H2AC13: variants seen among roughly 807,000 people sequenced by gnomAD.
The protein encoded by H2AC13 is H2A clustered histone 13, also known as histone H2A type 1.
A neutral mutation model predicts 5.9 loss-of-function variants in H2AC13; 3 were observed. The observed-to-expected ratio is 0.50, with a 90% CI of 0.23 to 1.30. H2AC13 has a LOEUF of 1.30. Among genes scored for constraint, H2AC13 ranks in the 50% most tolerant of loss-of-function variants. H2AC13 has a pLI of 0.18. For missense variants in H2AC13, 123 were observed against 179.1 expected (o/e 0.69, Z 1.79); for synonymous variants, 96 against 82.4 (o/e 1.17, Z -0.90).
At position 27,808,183 on chromosome 6, in the gene H2AC13, G is replaced by A. The variant is rs778477152; in HGVS notation, c.-27G>A. 3.2e-6 allele frequency: 5 copies of A among 1,539,008 alleles called. No homozygotes were observed. The highest frequency in any genetic ancestry group is 2.2e-5 in the Admixed American group (1 of 45,780). ...TTCTAGTTTCACTTCAGTCTTTCTT[G>A]ACCGTATAGATAATAGGCCTTTTGC... On this transcript the variant is annotated 5_prime_UTR_variant, in exon 1 of 1. Coordinates refer to ENST00000358739, the MANE Select transcript of H2AC13 (RefSeq NM_003509.3).
At position 27,808,616 on chromosome 6, in the gene H2AC13, T is replaced by G. The variant is rs151291136; in HGVS notation, c.*14T>G. 1 of 1,605,000 alleles carries G rather than the reference T, an allele frequency of 6.2e-7. No homozygotes were observed. The highest frequency in any genetic ancestry group is 2.2e-5 in the East Asian group (1 of 44,792). Reference sequence around the variant, plus strand: ...AAGGGCAAGTAGAAGCCTGGATTAGTTTGCAGCAACTCAATCCCAAAGGAA... The same window carrying G: ...AAGGGCAAGTAGAAGCCTGGATTAGGTTGCAGCAACTCAATCCCAAAGGAA... On this transcript the variant is annotated 3_prime_UTR_variant, in exon 1 of 1. Coordinates refer to ENST00000358739, the MANE Select transcript of H2AC13 (RefSeq NM_003509.3).
rs1181249117 is a variant in H2AC13, at chr6:27,808,184, A to G, written c.-26A>G. 2.6e-6 allele frequency: 4 copies of G among 1,540,082 alleles called. No homozygotes were observed. In the Admixed American group the frequency reaches 6.5e-5, roughly 25 times the overall value. On this transcript the variant is annotated 5_prime_UTR_variant, in exon 1 of 1. Coordinates refer to ENST00000358739, the MANE Select transcript of H2AC13 (RefSeq NM_003509.3). ...TCTAGTTTCACTTCAGTCTTTCTTGACCGTATAGATAATAGGCCTTTTGCC... is the reference window on the plus strand; with the variant it reads ...TCTAGTTTCACTTCAGTCTTTCTTGGCCGTATAGATAATAGGCCTTTTGCC...
In H2AC13 at chr6:27,808,257, G is replaced by A; in HGVS notation, c.48G>A (p.Lys16=). ...GAGGCAAAGCTCGCGCCAAGGCCAA[G>A]ACCCGCTCTTCTCGGGCCGGGCTTC... ...KQGGKARAKA[K]TRSSRAGLQF... The change falls in exon 1 of 1, where the codon AAG becomes AAA. Residue 16 remains lysine, a synonymous_variant. Transcript: ENST00000358739. The A allele has an allele frequency of 1.3e-6, 2 of 1,575,372 alleles. No individual in the cohort carries two copies. Among genetic ancestry groups the A allele is most frequent in the Non-Finnish European group, 1.7e-6 (2 of 1,162,724 alleles).
At position 27,808,542 on chromosome 6, in the gene H2AC13, C is replaced by T. The variant is rs1760495614; in HGVS notation, c.333C>T (p.Asn111=). ...VTIAQGGVLP[N]IQAVLLPKKT... is the part of the protein sequence containing the mutation. ...TCGCACAGGGTGGCGTCCTGCCCAA[C>T]ATCCAGGCCGTGCTACTGCCCAAGA... The change falls in exon 1 of 1, where the codon AAC becomes AAT. Residue 111 remains asparagine, a synonymous_variant. Coordinates refer to ENST00000358739, the MANE Select transcript of H2AC13 (RefSeq NM_003509.3). 5.6e-6 allele frequency: 9 copies of T among 1,614,244 alleles called. No individual in the cohort carries two copies. Among genetic ancestry groups the T allele is most frequent in the East Asian group, 2.2e-5 (1 of 44,894 alleles).
At position 27,808,413 on chromosome 6, in the gene H2AC13, C is replaced by G; in HGVS notation, c.204C>G (p.Gly68=). Residue 68 remains glycine (G), a synonymous_variant, in exon 1 of 1, where the codon GGC becomes GGG. Coordinates refer to ENST00000358739, the MANE Select transcript of H2AC13 (RefSeq NM_003509.3). ...CCGCCGAGATCCTGGAGCTGGCTGG[C>G]AACGCGGCCCGCGACAACAAGAAGA... ...YLTAEILELA[G]NAARDNKKTR... 3.7e-6 allele frequency: 6 copies of G among 1,610,004 alleles called. No homozygotes were observed. The highest frequency in any genetic ancestry group is 5.1e-6 in the Non-Finnish European group (6 of 1,177,060).
At position 27,808,512 on chromosome 6, in the gene H2AC13, C is replaced by T; in HGVS notation, c.303C>T (p.Val101=). The change falls in exon 1 of 1, where the codon GTC becomes GTT. Residue 101 remains valine (V), a synonymous_variant. Transcript: ENST00000358739. The stretch of plus-strand genomic sequence containing the variant: ...AGCTCAACAAGCTTCTGGGCAAAGT[C>T]ACCATCGCACAGGGTGGCGTCCTGC... ...DEELNKLLGK[V]TIAQGGVLPN... is the part of the protein sequence containing the mutation. 6.2e-7 allele frequency: 1 copy of T among 1,614,206 alleles called. No homozygotes were observed. The highest frequency in any genetic ancestry group is 1.1e-5 in the South Asian group (1 of 91,092).
Position 27,808,421 on chromosome 6 carries a change from C to T in H2AC13, c.212C>T (p.Ala71Val). 1.9e-6 allele frequency: 3 copies of T among 1,610,440 alleles called. No homozygotes were observed. Among genetic ancestry groups the T allele is most frequent in the Non-Finnish European group, 1.7e-6 (2 of 1,177,338 alleles). ...ATCCTGGAGCTGGCTGGCAACGCGG[C>T]CCGCGACAACAAGAAGACTCGCATC... ...AEILELAGNA[A>V]RDNKKTRIIP... Residue 71 changes from alanine (A) to valine (V), a missense_variant, in exon 1 of 1, where the codon GCC becomes GTC. By Grantham distance (64) the Ala-to-Val change is moderately conservative. Around this residue, in one of 3 missense-constraint regions of H2AC13, gnomAD observed 72 missense variants for 134.3 expected, o/e 0.54. Transcript: ENST00000358739.
Position 27,808,651 on chromosome 6 carries a change from C to CTT in H2AC13, c.*52_*53dup. On this transcript the variant is annotated 3_prime_UTR_variant, in exon 1 of 1. Coordinates refer to ENST00000358739, the MANE Select transcript of H2AC13 (RefSeq NM_003509.3). ...CTCAATCCCAAAGGAACCAAAGGCTCTTTTCAGAGCCACCTACAATTTTGT... is the reference window on the plus strand; with the variant it reads ...CTCAATCCCAAAGGAACCAAAGGCTCTTTTTTCAGAGCCACCTACAATTTTGT... 6.4e-7 allele frequency: 1 copy of CTT among 1,563,530 alleles called. No individual in the cohort carries two copies. The highest frequency in any genetic ancestry group is 8.6e-7 in the Non-Finnish European group (1 of 1,157,388).
chr6:27,808,654 T>C lies in H2AC13; in HGVS notation c.*52T>C, dbSNP rs922332993. The stretch of plus-strand genomic sequence containing the variant: ...AATCCCAAAGGAACCAAAGGCTCTT[T>C]TCAGAGCCACCTACAATTTTGTGGA... On this transcript the variant is annotated 3_prime_UTR_variant, in exon 1 of 1. Coordinates refer to ENST00000358739, the MANE Select transcript of H2AC13 (RefSeq NM_003509.3). 5.1e-6 allele frequency: 8 copies of C among 1,561,134 alleles called. No individual in the cohort carries two copies. The highest frequency in any genetic ancestry group is 5.2e-6 in the Non-Finnish European group (6 of 1,155,992).
chr6:27,808,187 G>T lies in H2AC13; in HGVS notation c.-23G>T, dbSNP rs199544124. ...AGTTTCACTTCAGTCTTTCTTGACC[G>T]TATAGATAATAGGCCTTTTGCCATG... On this transcript the variant is annotated 5_prime_UTR_variant, in exon 1 of 1. Coordinates refer to ENST00000358739, the MANE Select transcript of H2AC13 (RefSeq NM_003509.3). 2 of 1,547,910 alleles carry T rather than the reference G, an allele frequency of 1.3e-6. No individual in the cohort carries two copies. The highest frequency in any genetic ancestry group is 2.1e-5 in the Admixed American group (1 of 47,826).
rs775106132 is a variant in H2AC13, at chr6:27,808,192, G to A, written c.-18G>A. 2 of 1,554,342 alleles carry A rather than the reference G, an allele frequency of 1.3e-6. No individual in the cohort carries two copies. The highest frequency in any genetic ancestry group is 8.7e-7 in the Non-Finnish European group (1 of 1,154,302). ...CACTTCAGTCTTTCTTGACCGTATA[G>A]ATAATAGGCCTTTTGCCATGTCTGG... On this transcript the variant is annotated 5_prime_UTR_variant, in exon 1 of 1. Transcript: ENST00000358739.
chr6:27,808,628 C>T lies in H2AC13; in HGVS notation c.*26C>T, dbSNP rs773530267. The T allele has an allele frequency of 6.3e-7, 1 of 1,597,672 alleles. No individual in the cohort carries two copies. Among genetic ancestry groups the T allele is most frequent in the Non-Finnish European group, 8.5e-7 (1 of 1,170,892 alleles). On this transcript the variant is annotated 3_prime_UTR_variant, in exon 1 of 1. Transcript: ENST00000358739. ...AAGCCTGGATTAGTTTGCAGCAACTCAATCCCAAAGGAACCAAAGGCTCTT... is the reference window on the plus strand; with the variant it reads ...AAGCCTGGATTAGTTTGCAGCAACTTAATCCCAAAGGAACCAAAGGCTCTT...
rs772448177 is a variant in H2AC13, at chr6:27,808,623, C to A, written c.*21C>A. The A allele has an allele frequency of 2.5e-6, 4 of 1,598,846 alleles. No individual in the cohort carries two copies. Among genetic ancestry groups the A allele is most frequent in the Non-Finnish European group, 3.4e-6 (4 of 1,171,646 alleles). ...AGTAGAAGCCTGGATTAGTTTGCAG[C>A]AACTCAATCCCAAAGGAACCAAAGG... On this transcript the variant is annotated 3_prime_UTR_variant, in exon 1 of 1. Coordinates refer to ENST00000358739, the MANE Select transcript of H2AC13 (RefSeq NM_003509.3).
In H2AC13 at chr6:27,808,446, C is replaced by T; in HGVS notation, c.237C>T (p.Ile79=). The stretch of plus-strand genomic sequence containing the variant: ...CCCGCGACAACAAGAAGACTCGCAT[C>T]ATCCCGCGTCACCTCCAGCTGGCCA... The part of the protein sequence containing the change: ...NAARDNKKTR[I]IPRHLQLAIR... Residue 79 remains isoleucine, a synonymous_variant, in exon 1 of 1, where the codon ATC becomes ATT. Coordinates refer to ENST00000358739, the MANE Select transcript of H2AC13 (RefSeq NM_003509.3). The T allele has an allele frequency of 1.2e-6, 2 of 1,613,130 alleles. No homozygotes were observed. Among genetic ancestry groups the T allele is most frequent in the East Asian group, 2.2e-5 (1 of 44,856 alleles).
chr6:27,808,234 G>A lies in H2AC13; in HGVS notation c.25G>A (p.Gly9Ser). The A allele has an allele frequency of 6.3e-7, 1 of 1,581,994 alleles. No individual in the cohort carries two copies. Residue 9 changes from glycine (G) to serine (S), a missense_variant, in exon 1 of 1, where the codon GGC (glycine) becomes AGC (serine). Around this residue, in one of 3 missense-constraint regions of H2AC13, gnomAD observed 33 missense variants for 28.6 expected, o/e 1.15. Coordinates refer to ENST00000358739, the MANE Select transcript of H2AC13 (RefSeq NM_003509.3). MSGRGKQG[G>S]KARAKAKTRS... Reference sequence around the variant, plus strand: ...CATGTCTGGGCGTGGCAAGCAGGGAGGCAAAGCTCGCGCCAAGGCCAAGAC... The same window carrying A: ...CATGTCTGGGCGTGGCAAGCAGGGAAGCAAAGCTCGCGCCAAGGCCAAGAC...
rs1476297540 is a variant in H2AC13, at chr6:27,808,631, T to A, written c.*29T>A. 1 of 1,593,054 alleles carries A rather than the reference T, an allele frequency of 6.3e-7. No homozygotes were observed. The highest frequency in any genetic ancestry group is 1.4e-5 in the African/African-American group (1 of 73,946). On this transcript the variant is annotated 3_prime_UTR_variant, in exon 1 of 1. Transcript: ENST00000358739. The stretch of plus-strand genomic sequence containing the variant: ...CCTGGATTAGTTTGCAGCAACTCAA[T>A]CCCAAAGGAACCAAAGGCTCTTTTC...
rs200595966 is a variant in H2AC13, at chr6:27,808,196, A to T, written c.-14A>T. ...TCAGTCTTTCTTGACCGTATAGATA[A>T]TAGGCCTTTTGCCATGTCTGGGCGT... On this transcript the variant is annotated 5_prime_UTR_variant, in exon 1 of 1. Transcript: ENST00000358739. 6.4e-7 allele frequency: 1 copy of T among 1,561,892 alleles called. No individual in the cohort carries two copies. The highest frequency in any genetic ancestry group is 8.6e-7 in the Non-Finnish European group (1 of 1,157,948).
In H2AC13 at chr6:27,808,575, G is replaced by A. The variant is rs200353027; in HGVS notation, c.366G>A (p.Glu122=). The change falls in exon 1 of 1, where the codon GAG becomes GAA. Residue 122 remains glutamate (E), a synonymous_variant. Coordinates refer to ENST00000358739, the MANE Select transcript of H2AC13 (RefSeq NM_003509.3). ...CCGTGCTACTGCCCAAGAAGACCGA[G>A]AGCCACCACAAGGCGAAGGGCAAGT... ...IQAVLLPKKT[E]SHHKAKGK is the part of the protein sequence containing the mutation. 3 of 1,614,100 alleles carry A rather than the reference G, an allele frequency of 1.9e-6. No homozygotes were observed. The highest frequency in any genetic ancestry group is 1.7e-5 in the Admixed American group (1 of 60,028).
In H2AC13 at chr6:27,808,408, G is replaced by C. The variant is rs1760491282; in HGVS notation, c.199G>C (p.Ala67Pro). 2 of 1,609,684 alleles carry C rather than the reference G, an allele frequency of 1.2e-6. No homozygotes were observed. The highest frequency in any genetic ancestry group is 2.2e-5 in the South Asian group (2 of 90,954). ...CCTGACCGCCGAGATCCTGGAGCTG[G>C]CTGGCAACGCGGCCCGCGACAACAA... ...EYLTAEILELAGNAARDNKKT... is the reference protein window; with the variant it reads ...EYLTAEILELPGNAARDNKKT... The change falls in exon 1 of 1, where the codon GCT becomes CCT. Residue 67 changes from alanine (A) to proline (P), a missense_variant. By Grantham distance (27) the Ala-to-Pro change is conservative. This residue lies in a region of H2AC13 where 72 missense variants were observed against 134.3 expected (regional missense o/e 0.54). Transcript: ENST00000358739.
Sources: allele counts gnomAD v4.1 joint callset, GRCh38; gene constraint gnomAD v4.1.1; regional missense constraint gnomAD v4.1.1; transcripts MANE v1.5; gene names NCBI Gene and HGNC (gene_info 2026-07-23, HGNC 2026-07-21).